Variants in OSBPL9 observed in about 807,000 individuals in gnomAD.
The protein encoded by OSBPL9 is oxysterol-binding protein-related protein 9.
A neutral mutation model predicts 106.6 loss-of-function variants in OSBPL9; 40 were observed. The ratio of observed to expected loss-of-function variants is 0.38; its 90% CI spans 0.29 to 0.49. The LOEUF (loss-of-function observed/expected upper bound fraction) is 0.49. Ranked by LOEUF, OSBPL9 falls within the 20% of genes least tolerant of loss-of-function variation. The probability of loss-of-function intolerance (pLI) is 0.97; values close to 1 mark genes in which losing one functional copy is unlikely to be tolerated. For missense variants in OSBPL9, 609 were observed against 887.2 expected (o/e 0.69, Z 3.98); for synonymous variants, 269 against 295.4 (o/e 0.91, Z 0.92).
chr1:51,783,553 C>G (rs1676900583), intron 17 of OSBPL9, among the ~76,000 whole-genome samples: 1 of 152,136 alleles, frequency 6.6e-6, no homozygotes. Flanking sequence ...GGAGGGTCAA[C>G]TGTACATACC....
intron 2 of OSBPL9, among the ~76,000 whole-genome samples, chr1:51,653,960 C>T (rs1282892001): frequency 6.6e-6 from 1 of 151,884 alleles, no homozygotes; most frequent in African/African-American, 2.4e-5. Context: ...CATAATTGTG[C>T]CACTGCCTTC....
At chr1:51,627,264 G>T (rs1644821348) in intron 1 of OSBPL9, among the ~76,000 whole-genome samples, 1 of 151,832 alleles carries the variant, frequency 6.6e-6, no homozygotes, top group African/African-American at 2.4e-5. Flanking sequence ...GCCTCCCAAA[G>T]TACTGGGATT....
chr1:51,750,112 C>T (rs923677774), intron 7 of OSBPL9, 33 bp from the exon 8 acceptor site: 9 of 1,516,312 alleles, frequency 5.9e-6, no homozygotes, highest in Non-Finnish European at 7.2e-6. Context: ...TTATTTGAGC[C>T]AAGATCCTAA....
intron 4 of OSBPL9, among the ~76,000 whole-genome samples, chr1:51,715,805 G>A (rs1458382337): frequency 6.6e-6 from 1 of 152,062 alleles, no homozygotes; most frequent in African/African-American, 2.4e-5. Context: ...TCTTGTGTGT[G>A]ATGTCCTTTC....
rs371580043 is a variant in OSBPL9, at chr1:51,776,966, G to A, written c.1256+48G>A. On this transcript the variant is annotated intron_variant, in intron 15 of 23. Transcript: ENST00000428468. ...TTCCAACGTTTACAGATGTTACTCA[G>A]CAGCTTTCTGCCTTTTATTTTGCAG... 5 of 1,381,924 alleles carry A rather than the reference G, an allele frequency of 3.6e-6. No individual in the cohort carries two copies. The Admixed American group carries it at 6.9e-5, about 19-fold the overall frequency. 85.6% of individuals were successfully genotyped at this position (1,381,924 alleles called of 1,614,324 possible). A position where few individuals can be genotyped will look rare whatever the true frequency, so the allele number is the denominator to read the frequency against.
At chr1:51,626,119 C>T (rs990596147) in intron 1 of OSBPL9, among the ~76,000 whole-genome samples, 4 of 152,158 alleles carry the variant, frequency 2.6e-5, no homozygotes, top group African/African-American at 9.7e-5. Context: ...GTCGTTCTGG[C>T]AGCTATCTTT....
rs750924363 is a variant in OSBPL9 at position 51,682,383 on chromosome 1, G to T, written c.241+12871G>T. ...TGAGGAGATATGTAACGCACTCCCC[G>T]CATTCACTCATTCACTGTAGCATTA... On this transcript the variant is annotated intron_variant, in intron 3 of 23. Coordinates refer to ENST00000428468, the MANE Select transcript of OSBPL9 (RefSeq NM_024586.6). 3.9e-5 allele frequency among the ~76,000 whole-genome samples: 6 copies of T among 152,154 alleles called. No homozygotes were observed. In the South Asian group the frequency reaches 6.2e-4, roughly 16 times the overall value.
At chr1:51,606,876 G>A (rs1363737403) in intron 2 of OSBPL9, among the ~76,000 whole-genome samples, 1 of 151,936 alleles carries the variant, frequency 6.6e-6, no homozygotes, top group Admixed American at 6.6e-5. Flanking sequence ...GTGAAACCCG[G>A]TCTCTCCTAA....
At chr1:51,780,097 A>G (rs1372031402) in intron 15 of OSBPL9, among the ~76,000 whole-genome samples, 2 of 151,360 alleles carry the variant, frequency 1.3e-5, no homozygotes, top group Admixed American at 6.6e-5. Context: ...AAAAAAAAAA[A>G]GGCCAACAAA....
At chr1:51,620,464 C>A (rs1644355785) in intron 1 of OSBPL9, among the ~76,000 whole-genome samples, 1 of 151,942 alleles carries the variant, frequency 6.6e-6, no homozygotes. Flanking sequence ...ATAGAGGAAG[C>A]ACAGGGGGAT....
chr1:51,545,449 T>C, the OSBPL9 span, among the ~76,000 whole-genome samples: 2 of 152,136 alleles, frequency 1.3e-5, no homozygotes, highest in Non-Finnish European at 2.9e-5. Flanking sequence ...GGCATACACC[T>C]GTAGTCCCAG....
intron 3 of OSBPL9, among the ~76,000 whole-genome samples, chr1:51,693,782 C>T (rs552828516): frequency 6.6e-6 from 1 of 152,236 alleles, no homozygotes; most frequent in Admixed American, 6.5e-5. Flanking sequence ...CATCTGACTA[C>T]TCAGCATGTC....
chr1:51,560,693 A>G, the OSBPL9 span, among the ~76,000 whole-genome samples: 1 of 152,246 alleles, frequency 6.6e-6, no homozygotes, highest in East Asian at 1.9e-4. Context: ...GGAGAGGACA[A>G]CAACTTTTTA....
intron 4 of OSBPL9, among the ~76,000 whole-genome samples, chr1:51,731,753 G>A (rs1225435083): frequency 6.7e-6 from 1 of 149,890 alleles, no homozygotes. Flanking sequence ...CTCCAGCCTG[G>A]CGACAGAGCA....
intron 3 of OSBPL9, chr1:51,707,873 A>G: frequency 4.5e-6 from 1 of 222,790 alleles, no homozygotes; most frequent in Admixed American, 4.3e-5. Context: ...CATAGTCAGC[A>G]CCAGTGTCAC....
chr1:51,551,868 C>T, the OSBPL9 span, among the ~76,000 whole-genome samples: 1 of 151,896 alleles, frequency 6.6e-6, no homozygotes, highest in East Asian at 1.9e-4. Context: ...GCTGGGATTA[C>T]AGGTGTGAGA....
chr1:51,778,370 G>A (rs1017089328), intron 15 of OSBPL9, among the ~76,000 whole-genome samples: 4 of 152,028 alleles, frequency 2.6e-5, no homozygotes, highest in African/African-American at 9.7e-5. Context: ...AAAAAAGCAG[G>A]ATTTATCTAT....
At chr1:51,519,397 CGCCCGCCT>C in the OSBPL9 span, 26 of 217,006 alleles carry the variant, frequency 1.2e-4, no homozygotes, top group Non-Finnish European at 1.6e-4. Flanking sequence ...CGCCTGGCCC[CGCCCGCCT>C]GCCCGCCCGC....
At chr1:51,735,922 G>A (rs909111955) in intron 4 of OSBPL9, among the ~76,000 whole-genome samples, 1 of 152,088 alleles carries the variant, frequency 6.6e-6, no homozygotes, top group African/African-American at 2.4e-5. Flanking sequence ...GAAAAATTCA[G>A]CAGCCATACA....
Sources: allele counts gnomAD v4.1 joint callset (sites outside exome capture counted in the v4.1 genomes callset), GRCh38; gene constraint gnomAD v4.1.1; transcripts MANE v1.5; gene names NCBI Gene and HGNC (gene_info 2026-07-23, HGNC 2026-07-21).